RPL35A: variants seen among roughly 807,000 people sequenced by gnomAD.
RPL35A encodes ribosomal protein L35a, also known as large ribosomal subunit protein eL33.
RPL35A carries 1 observed loss-of-function variant against 16.7 expected under a neutral mutation model. The ratio of observed to expected loss-of-function variants is 0.06; its 90% CI spans 0.02 to 0.28. RPL35A has a LOEUF of 0.28. RPL35A is among the 10% of genes least tolerant of loss of function. The pLI is 1.00. For synonymous variants in RPL35A, 58 were observed against 47.0 expected, an observed-to-expected ratio of 1.23 and a Z score of -0.96; for missense variants, 91 against 138.7, an observed-to-expected ratio of 0.66 and a Z score of 1.73.
At chr3:197,954,825 T>G (rs149187384) in intron 4 of RPL35A, among the ~76,000 whole-genome samples, 11 of 152,344 alleles carry the variant, frequency 7.2e-5, no homozygotes, top group African/African-American at 2.2e-4. Flanking sequence ...AATAGTTTTC[T>G]GGTGAAGATA....
Position 197,953,186 on chromosome 3 carries a change from C to T in RPL35A, c.165-817C>T, listed in dbSNP as rs144188701. On this transcript the variant is annotated intron_variant, in intron 3 of 4. Coordinates refer to ENST00000647248, the MANE Select transcript of RPL35A (RefSeq NM_000996.4). ...CTCTGGGAAAGTGTTTTAATCATTGCCCCACCTTTTCTTCTACAGCCAATG... is the reference window on the plus strand; with the variant it reads ...CTCTGGGAAAGTGTTTTAATCATTGTCCCACCTTTTCTTCTACAGCCAATG... Among the ~76,000 whole-genome samples the T allele has an allele frequency of 4.1e-3, 629 of 152,330 alleles. 7 individuals are homozygous for T. The highest frequency in any genetic ancestry group is 0.014 in the African/African-American group (597 of 41,576).
Position 197,951,099 on chromosome 3 carries a change from T to G in RPL35A, c.12-60T>G, listed in dbSNP as rs1330928726. 10 of 1,611,468 alleles carry G rather than the reference T, an allele frequency of 6.2e-6. No individual in the cohort carries two copies. The East Asian group carries it at 2.0e-4, about 32-fold the overall frequency. On this transcript the variant is annotated intron_variant, in intron 2 of 4. Transcript: ENST00000647248. The stretch of plus-strand genomic sequence containing the variant: ...TGAGTAACTTTTGGGTGGGGGTGAT[T>G]ACAAGTCAGATTGGTTTTTTGAAGC...
Position 197,950,986 on chromosome 3 carries a change from T to A in RPL35A, c.11+8T>A. 2 of 1,613,518 alleles carry A rather than the reference T, an allele frequency of 1.2e-6. No homozygotes were observed. The highest frequency in any genetic ancestry group is 1.7e-6 in the Non-Finnish European group (2 of 1,179,422). On this transcript the variant is annotated splice_region_variant and intron_variant, in intron 2 of 4. Coordinates refer to ENST00000647248, the MANE Select transcript of RPL35A (RefSeq NM_000996.4). Reference sequence around the variant, plus strand: ...AGGAACTATGTCTGGAAGGTACGCGTTTTAAATATAGTTCTTTATTTTTGT... The same window carrying A: ...AGGAACTATGTCTGGAAGGTACGCGATTTAAATATAGTTCTTTATTTTTGT...
intron 1 of RPL35A, 183 bp from the exon 2 acceptor site, chr3:197,950,753 C>G (rs761725874): frequency 1.6e-6 from 1 of 616,766 alleles, no homozygotes. Flanking sequence ...ACCAGCTGTT[C>G]TCTGAGGTTT....
intron 3 of RPL35A, chr3:197,951,811 C>T (rs893965937): frequency 2.4e-5 from 4 of 165,220 alleles, no homozygotes; most frequent in Admixed American, 1.2e-4. Context: ...GATTCTCCTG[C>T]CTCAGCCTCC....
At chr3:197,954,578 C>T (rs1298611965) in intron 4 of RPL35A, 2 of 265,458 alleles carry the variant, frequency 7.5e-6, no homozygotes, top group East Asian at 2.1e-4. Flanking sequence ...GGCATGATCT[C>T]AGCTTGCTGC....
intron 3 of RPL35A, chr3:197,953,472 A>G (rs1233292586): frequency 4.4e-6 from 2 of 456,680 alleles, no homozygotes; most frequent in South Asian, 3.1e-5. Flanking sequence ...GAGCTCCATA[A>G]TTCTCTTTAT....
chr3:197,951,141 G>C lies in RPL35A; in HGVS notation c.12-18G>C. ...TTTTGAAGCTTATGTTTCATGTTGT[G>C]TATCTTTTGTGTCTTAGGCTGTGGT... On this transcript the variant is annotated intron_variant, in intron 2 of 4. Coordinates refer to ENST00000647248, the MANE Select transcript of RPL35A (RefSeq NM_000996.4). 6.2e-7 allele frequency: 1 copy of C among 1,614,050 alleles called. No homozygotes were observed. Among genetic ancestry groups the C allele is most frequent in the Non-Finnish European group, 8.5e-7 (1 of 1,180,030 alleles).
In RPL35A at chr3:197,955,978, C is replaced by G. The variant is rs1031135729; in HGVS notation, c.*205C>G. The G allele has an allele frequency of 7.0e-6, 4 of 569,770 alleles. No individual in the cohort carries two copies. The African/African-American group carries it at 7.5e-5, about 11-fold the overall frequency. The allele number at this position is 569,770 out of a possible 1,614,324, so 35.3% of individuals were successfully genotyped here. On this transcript the variant is annotated 3_prime_UTR_variant, in exon 5 of 5. Transcript: ENST00000647248. ...ATTTAGAAGGGAACGGGTTTTAATG[C>G]GAGTATCTTTGACAGAGTCTTGCTC... is the stretch of plus-strand genomic sequence containing the variant.
chr3:197,953,895 G>T (rs1348299950), intron 3 of RPL35A, 108 bp from the exon 4 acceptor site: 5 of 1,039,156 alleles, frequency 4.8e-6, no homozygotes, highest in Non-Finnish European at 7.5e-6. Flanking sequence ...AGTTTCTCAG[G>T]TGATGAAGTG....
intron 3 of RPL35A, chr3:197,951,635 G>C (rs1720098045): frequency 2.8e-6 from 1 of 351,966 alleles, no homozygotes; most frequent in South Asian, 2.6e-5. Flanking sequence ...TTACAGGCTT[G>C]AGCCACCGCG....
At chr3:197,953,240 A>G (rs1720262085) in intron 3 of RPL35A, among the ~76,000 whole-genome samples, 1 of 152,226 alleles carries the variant, frequency 6.6e-6, no homozygotes, top group Non-Finnish European at 1.5e-5. Context: ...AGTCAGGTGC[A>G]GTGGCTCACA....
chr3:197,955,117 G>T (rs1720425799), intron 4 of RPL35A, among the ~76,000 whole-genome samples: 1 of 151,920 alleles, frequency 6.6e-6, no homozygotes, highest in Non-Finnish European at 1.5e-5. Flanking sequence ...TATATTCTTG[G>T]GACCAAGAAT....
At chr3:197,952,746 G>C (rs770644001) in intron 3 of RPL35A, 1 of 151,472 alleles carries the variant, frequency 6.6e-6, no homozygotes, top group African/African-American at 2.4e-5. Context: ...CACCTGCCTC[G>C]GCCTCCCAGA....
At chr3:197,953,964 A>C in intron 3 of RPL35A, 39 bp from the exon 4 acceptor site, 3 of 1,610,180 alleles carry the variant, frequency 1.9e-6, no homozygotes, top group South Asian at 2.2e-5. Context: ...ATCCAACTAT[A>C]TCAGCTTGTA....
chr3:197,953,929 C>G lies in RPL35A; in HGVS notation c.165-74C>G, dbSNP rs1487466662. The G allele has an allele frequency of 4.0e-6, 6 of 1,513,780 alleles. No individual in the cohort carries two copies. The East Asian group carries it at 1.4e-4, about 34-fold the overall frequency. 93.8% of individuals were successfully genotyped at this position (1,513,780 alleles called of 1,614,324 possible). On this transcript the variant is annotated intron_variant, in intron 3 of 4. Transcript: ENST00000647248. ...TGGGTAACCAGGGTTGAGAGCCACT[C>G]GTGTAGAGGTCACCTTGAATTTGTA...
intron 4 of RPL35A, chr3:197,954,390 G>T (rs1720368079): frequency 1.8e-6 from 1 of 552,334 alleles, no homozygotes; most frequent in Admixed American, 3.0e-5. Context: ...CTGGGGTGCA[G>T]TGGCATAATC....
intron 1 of RPL35A, chr3:197,950,440 C>T (rs565427982): frequency 1.3e-5 from 9 of 704,814 alleles, no homozygotes; most frequent in Non-Finnish European, 1.5e-5. Flanking sequence ...CAGTTAAATT[C>T]CTGGGCCTGA....
Position 197,955,797 on chromosome 3 carries a change from ATG to A in RPL35A, c.*27_*28del. ...AAACTAACGAAAAATCAATAAATAA[ATG>A]TGGATTTGTGCTCTTGTATTTTTAA... is the stretch of plus-strand genomic sequence containing the variant. On this transcript the variant is annotated 3_prime_UTR_variant, in exon 5 of 5. Transcript: ENST00000647248. 6.3e-7 allele frequency: 1 copy of A among 1,582,310 alleles called. No individual in the cohort carries two copies. The highest frequency in any genetic ancestry group is 8.7e-7 in the Non-Finnish European group (1 of 1,153,028).
Sources: allele counts gnomAD v4.1 joint callset (sites outside exome capture counted in the v4.1 genomes callset), GRCh38; gene constraint gnomAD v4.1.1; transcripts MANE v1.5; gene names NCBI Gene and HGNC (gene_info 2026-07-23, HGNC 2026-07-21).